The following CDH13 variants were observed in gnomAD, a reference collection of about 807,000 sequenced individuals.
CDH13 encodes cadherin 13.
A neutral mutation model predicts 63.8 loss-of-function variants in CDH13; 24 were observed. The observed-to-expected ratio is 0.38, with a 90% confidence interval of 0.27 to 0.53. The LOEUF is 0.53. Among genes scored for constraint, CDH13 ranks in the 20% least tolerant of loss-of-function variants. The pLI is 0.85. For synonymous variants in CDH13, 503 were observed against 355.3 expected, an observed-to-expected ratio of 1.42 and a Z score of -4.67; for missense variants, 1,049 against 903.1, an observed-to-expected ratio of 1.16 and a Z score of -2.07.
chr16:83,030,344 T>A (rs1045987012), intron 2 of CDH13, among the ~76,000 whole-genome samples: 6 of 152,148 alleles, frequency 3.9e-5, no homozygotes, highest in African/African-American at 1.4e-4. Flanking sequence ...ATCATTGTAT[T>A]GGGTCCTCTG....
chr16:83,161,817 A>G, intron 4 of CDH13, among the ~76,000 whole-genome samples: 1 of 152,238 alleles, frequency 6.6e-6, no homozygotes, highest in East Asian at 1.9e-4. Context: ...ATTCCCCGAG[A>G]TGAGAGTTTC....
At chr16:82,876,080 C>A (rs903850754) in intron 2 of CDH13, among the ~76,000 whole-genome samples, 1 of 152,178 alleles carries the variant, frequency 6.6e-6, no homozygotes, top group South Asian at 2.1e-4. Flanking sequence ...ATCACGAGAA[C>A]AGTACAGGAA....
intron 7 of CDH13, among the ~76,000 whole-genome samples, chr16:83,537,292 A>G (rs2075210165): frequency 6.6e-6 from 1 of 152,198 alleles, no homozygotes; most frequent in African/African-American, 2.4e-5. Context: ...GGGACAATGA[A>G]TTGGCTGATC....
At chr16:83,203,406 G>A (rs1040181461) in intron 4 of CDH13, among the ~76,000 whole-genome samples, 10 of 151,884 alleles carry the variant, frequency 6.6e-5, no homozygotes, top group African/African-American at 2.4e-4. Flanking sequence ...TAAAAATAAG[G>A]CCAGGTGTGG....
chr16:82,640,749 A>G (rs923328849), intron 1 of CDH13, among the ~76,000 whole-genome samples: 1 of 152,204 alleles, frequency 6.6e-6, no homozygotes, highest in South Asian at 2.1e-4. Flanking sequence ...TTAGGGTCAC[A>G]TATCACTAGA....
chr16:83,043,495 G>A (rs1917507316), intron 3 of CDH13, among the ~76,000 whole-genome samples: 1 of 74,520 alleles, frequency 1.3e-5, no homozygotes, highest in South Asian at 4.8e-4. Context: ...ATATGAGTGT[G>A]TGTGTGTGTG....
At chr16:82,862,169 G>A (rs1273746566) in intron 2 of CDH13, among the ~76,000 whole-genome samples, 4 of 152,030 alleles carry the variant, frequency 2.6e-5, no homozygotes, top group Non-Finnish European at 4.4e-5. Flanking sequence ...CCCCAAACAC[G>A]ACAATTGTGT....
chr16:82,736,718 A>ACAGT (rs913505747), intron 1 of CDH13, among the ~76,000 whole-genome samples: 8 of 152,218 alleles, frequency 5.3e-5, no homozygotes, highest in Admixed American at 5.2e-4. Flanking sequence ...ATCAGGCTAC[A>ACAGT]CAGTCACTCT....
intron 2 of CDH13, among the ~76,000 whole-genome samples, chr16:82,989,790 C>G (rs1156350142): frequency 6.6e-6 from 1 of 152,152 alleles, no homozygotes; most frequent in African/African-American, 2.4e-5. Context: ...GACTCTTTAA[C>G]CAGGCAATGT....
chr16:83,121,704 T>C (rs1284783199), intron 3 of CDH13, among the ~76,000 whole-genome samples: 4 of 152,210 alleles, frequency 2.6e-5, no homozygotes, highest in Non-Finnish European at 5.9e-5. Flanking sequence ...TCACTAAACG[T>C]CTTCCTTCAT....
intron 8 of CDH13, among the ~76,000 whole-genome samples, chr16:83,654,058 C>G (rs1049880006): frequency 6.6e-6 from 1 of 151,956 alleles, no homozygotes; most frequent in African/African-American, 2.4e-5. Flanking sequence ...AAATCAGAGA[C>G]TTAATACATA....
chr16:83,116,275 G>C (rs1485076086), intron 3 of CDH13, among the ~76,000 whole-genome samples: 1 of 152,246 alleles, frequency 6.6e-6, no homozygotes, highest in East Asian at 1.9e-4. Context: ...CAACCGGGGA[G>C]GTGTTATCAG....
At chr16:83,297,836 C>T (rs747550687) in intron 5 of CDH13, among the ~76,000 whole-genome samples, 7 of 151,896 alleles carry the variant, frequency 4.6e-5, no homozygotes, top group South Asian at 4.2e-4. Context: ...TCTAAATGCC[C>T]GAAACTTTTC....
chr16:82,711,510 TG>T (rs1567650838), intron 1 of CDH13, among the ~76,000 whole-genome samples: 1 of 152,190 alleles, frequency 6.6e-6, no homozygotes, highest in Non-Finnish European at 1.5e-5. Flanking sequence ...CAAGAGGTGA[TG>T]CCACTTGAAA....
rs77936687 is a variant in CDH13, at chr16:83,755,662, G to T, written c.1681+7412G>T. Among the ~76,000 whole-genome samples the T allele has an allele frequency of 3.3e-3, 496 of 151,974 alleles. 4 individuals are homozygous for T. The highest frequency in any genetic ancestry group is 0.012 in the African/African-American group (481 of 41,430). On this transcript the variant is annotated intron_variant, in intron 11 of 13. Transcript: ENST00000567109. ...GAAGGCAATGGAATAACATTTCTCT[G>T]AGCACTTTAAAGATGCCTACCAACC...
intron 7 of CDH13, among the ~76,000 whole-genome samples, chr16:83,509,210 A>G (rs1217101674): frequency 1.3e-5 from 2 of 152,230 alleles, no homozygotes; most frequent in Admixed American, 6.5e-5. Context: ...TTCACAAAGT[A>G]TAGCAGGGAG....
At position 82,677,368 on chromosome 16, in the gene CDH13, T is replaced by C. The variant is rs73601052; in HGVS notation, c.45+50231T>C. Among the ~76,000 whole-genome samples, 660 of 152,304 alleles carry C rather than the reference T, an allele frequency of 4.3e-3. 7 individuals carry two copies. Among genetic ancestry groups the C allele is most frequent in the African/African-American group, 0.015 (612 of 41,572 alleles). ...CTAGCCCAGGTGTTTACAATTCCCA[T>C]TTATTTATGGGGAATATGTGATTAT... On this transcript the variant is annotated intron_variant, in intron 1 of 13. Transcript: ENST00000567109.
intron 7 of CDH13, among the ~76,000 whole-genome samples, chr16:83,492,658 T>G (rs1026211552): frequency 1.3e-5 from 2 of 152,244 alleles, no homozygotes; most frequent in Non-Finnish European, 2.9e-5. Context: ...TAAAGTAGAA[T>G]AGGACATTCA....
chr16:82,702,712 G>T (rs912146072), intron 1 of CDH13, among the ~76,000 whole-genome samples: 1 of 152,134 alleles, frequency 6.6e-6, no homozygotes, highest in Non-Finnish European at 1.5e-5. Flanking sequence ...CAGAAAATTT[G>T]TGAATATAAA....
Sources: gnomAD v4.1 joint callset for allele counts (sites outside exome capture counted in the v4.1 genomes callset) on GRCh38, gnomAD v4.1.1 for gene constraint, MANE v1.5 for transcripts, NCBI Gene and HGNC (gene_info 2026-07-23, HGNC 2026-07-21) for gene names.